The following UVRAG variants were observed in gnomAD, a reference collection of about 807,000 sequenced individuals.
UVRAG encodes UV radiation resistance-associated gene protein.
Under a neutral mutation model 78.0 loss-of-function variants are expected in UVRAG, and 19 were observed. That is an observed-to-expected ratio of 0.24 (90% CI 0.17 to 0.36). The LOEUF (loss-of-function observed/expected upper bound fraction) is 0.36, where lower values mean the gene tolerates loss of function less well. Ranked by LOEUF, UVRAG falls within the 10% of genes least tolerant of loss-of-function variation. The pLI is 1.00. For synonymous variants in UVRAG, 323 were observed against 324.6 expected (o/e 1.00, Z 0.05); for missense variants, 740 against 853.8 (o/e 0.87, Z 1.66).
chr11:75,888,134 A>AT (rs71471397), intron 4 of UVRAG, among the ~76,000 whole-genome samples: 16 of 151,670 alleles, frequency 1.1e-4, no homozygotes, highest in African/African-American at 1.5e-4. Flanking sequence ...CTAGGGCTTC[A>AT]TTTTTTTTCT....
At chr11:76,114,767 G>A (rs1952144894) in intron 13 of UVRAG, among the ~76,000 whole-genome samples, 2 of 152,106 alleles carry the variant, frequency 1.3e-5, no homozygotes, top group South Asian at 4.1e-4. Flanking sequence ...ACTGTTTTTA[G>A]TAGGTGTTTA....
chr11:76,065,780 A>G lies in UVRAG; in HGVS notation c.1297A>G (p.Ile433Val). 6.2e-7 allele frequency: 1 copy of G among 1,613,838 alleles called. No individual in the cohort carries two copies. The change falls in exon 13 of 15, where the codon ATA becomes GTA. Residue 433 changes from isoleucine to valine, a missense_variant. Coordinates refer to ENST00000356136, the MANE Select transcript of UVRAG (RefSeq NM_003369.4). ...DYGVYLLNKN[I>V]AQLRYQHGLG... ...TGGTGTCTATCTTCTGAACAAAAAT[A>G]TAGCACAGGTAAGTCTCTGTTCTTC...
chr11:75,887,025 G>A (rs1565364025), intron 4 of UVRAG, among the ~76,000 whole-genome samples: 2 of 151,706 alleles, frequency 1.3e-5, no homozygotes, highest in Non-Finnish European at 2.9e-5. Context: ...GAGTGCAGTG[G>A]CGTGATCTCG....
chr11:75,917,946 C>T (rs1947893666), intron 6 of UVRAG, among the ~76,000 whole-genome samples: 1 of 152,092 alleles, frequency 6.6e-6, no homozygotes, highest in South Asian at 2.1e-4. Context: ...GTAACTTCAC[C>T]AAGGTCACAC....
chr11:76,117,233 C>T (rs1482784750), intron 14 of UVRAG, among the ~76,000 whole-genome samples: 2 of 152,194 alleles, frequency 1.3e-5, no homozygotes, highest in Non-Finnish European at 2.9e-5. Flanking sequence ...GGTTTTCTAA[C>T]ACAATGGTAA....
chr11:76,053,127 G>A (rs557127997), intron 12 of UVRAG, among the ~76,000 whole-genome samples: 10 of 151,780 alleles, frequency 6.6e-5, no homozygotes, highest in Admixed American at 1.3e-4. Flanking sequence ...CCAACATGGC[G>A]AAACCCCATC....
At position 75,957,388 on chromosome 11, in the gene UVRAG, A is replaced by G. The variant is rs183565954; in HGVS notation, c.594-4056A>G. Among the ~76,000 whole-genome samples, 1,489 of 151,030 alleles carry G rather than the reference A, an allele frequency of 9.9e-3. 18 individuals are homozygous for G. Among genetic ancestry groups the G allele is most frequent in the Non-Finnish European group, 0.015 (1,011 of 67,810 alleles). On this transcript the variant is annotated intron_variant, in intron 6 of 14. Transcript: ENST00000356136. ...GCTATATATGTGTAGGATTATTATG[A>G]TACACTTTCTTCTGTTCCATTGATC...
At chr11:76,057,825 G>A (rs1201486319) in intron 12 of UVRAG, among the ~76,000 whole-genome samples, 1 of 152,022 alleles carries the variant, frequency 6.6e-6, no homozygotes, top group Non-Finnish European at 1.5e-5. Context: ...ATAGCTTTTG[G>A]TCACTTCCCT....
chr11:76,037,850 C>T (rs973102308), intron 12 of UVRAG, among the ~76,000 whole-genome samples: 11 of 152,130 alleles, frequency 7.2e-5, no homozygotes, highest in African/African-American at 2.7e-4. Flanking sequence ...GTGTACATGT[C>T]CGTATAAATG....
chr11:75,937,573 T>C (rs1348927500), intron 6 of UVRAG, among the ~76,000 whole-genome samples: 1 of 152,180 alleles, frequency 6.6e-6, no homozygotes, highest in Non-Finnish European at 1.5e-5. Context: ...AAGATGTTGC[T>C]CCACTGTTTT....
At chr11:75,929,057 G>A (rs1948174934) in intron 6 of UVRAG, among the ~76,000 whole-genome samples, 1 of 151,540 alleles carries the variant, frequency 6.6e-6, no homozygotes, top group South Asian at 2.1e-4. Flanking sequence ...AAGAAGAATG[G>A]AAGTGTTTTC....
intron 3 of UVRAG, among the ~76,000 whole-genome samples, chr11:75,878,138 C>T (rs1458726425): frequency 2.7e-5 from 4 of 149,768 alleles, no homozygotes; most frequent in Non-Finnish European, 4.4e-5. Flanking sequence ...CTCCTCCCTT[C>T]TCAGATGGGG....
At chr11:75,902,270 C>T (rs1009665324) in intron 5 of UVRAG, among the ~76,000 whole-genome samples, 4 of 152,132 alleles carry the variant, frequency 2.6e-5, no homozygotes, top group African/African-American at 7.2e-5. Context: ...TTTCCAGGGA[C>T]GGGAGTGGGG....
intron 7 of UVRAG, among the ~76,000 whole-genome samples, chr11:75,979,334 TGAG>T (rs1279030531): frequency 1.3e-5 from 2 of 152,214 alleles, no homozygotes; most frequent in African/African-American, 4.8e-5. Context: ...GGGACCCACT[TGAG>T]GAGGCAGTCT....
intron 14 of UVRAG, among the ~76,000 whole-genome samples, chr11:76,133,644 C>G (rs1457586065): frequency 2.0e-5 from 3 of 152,074 alleles, no homozygotes; most frequent in Non-Finnish European, 4.4e-5. Flanking sequence ...GAGAATTTCT[C>G]CCTCTTAAAA....
At chr11:75,998,602 T>G (rs978305439) in intron 8 of UVRAG, among the ~76,000 whole-genome samples, 1 of 152,166 alleles carries the variant, frequency 6.6e-6, no homozygotes, top group Non-Finnish European at 1.5e-5. Context: ...AGCTTGAGTG[T>G]AAGGAAAGAC....
chr11:75,887,635 G>T (rs967757081), intron 4 of UVRAG, among the ~76,000 whole-genome samples: 1 of 151,458 alleles, frequency 6.6e-6, no homozygotes, highest in African/African-American at 2.4e-5. Context: ...TTTTAGTAGA[G>T]ACGGGGTTTC....
chr11:76,122,348 A>G lies in UVRAG; in HGVS notation c.1397+6333A>G, dbSNP rs189458410. 5.9e-5 allele frequency among the ~76,000 whole-genome samples: 9 copies of G among 152,266 alleles called. No individual in the cohort carries two copies. In the East Asian group the frequency reaches 1.2e-3, roughly 20 times the overall value. On this transcript the variant is annotated intron_variant, in intron 14 of 14. Transcript: ENST00000356136. ...AAGAAACAGTGGCCCAGTTAGGTGG[A>G]AAGACTAGGACTATGAATTTGAATA...
chr11:75,830,465 G>T (rs1469412513), intron 1 of UVRAG, among the ~76,000 whole-genome samples: 2 of 151,782 alleles, frequency 1.3e-5, no homozygotes, highest in Non-Finnish European at 2.9e-5. Context: ...TAGAGACTGG[G>T]TTTTACCATG....
Sources: allele counts gnomAD v4.1 joint callset (sites outside exome capture counted in the v4.1 genomes callset), GRCh38; gene constraint gnomAD v4.1.1; transcripts MANE v1.5; gene names NCBI Gene and HGNC (gene_info 2026-07-23, HGNC 2026-07-21).